TYRP1: variants seen among roughly 807,000 people sequenced by gnomAD.
The protein encoded by TYRP1 is 5,6-dihydroxyindole-2-carboxylic acid oxidase.
TYRP1 carries 49 observed loss-of-function variants against 42.8 expected under a neutral mutation model. The ratio of observed to expected loss-of-function variants is 1.14; its 90% CI spans 0.91 to 1.45. TYRP1 has a LOEUF of 1.45. Among genes scored for constraint, TYRP1 ranks in the 40% most tolerant of loss-of-function variants. The pLI is 0.00. For synonymous variants in TYRP1, 279 were observed against 235.4 expected (o/e 1.19, Z -1.69); for missense variants, 848 against 662.0 (o/e 1.28, Z -3.08).
intron 6 of TYRP1, 32 bp downstream of exon 6, chr9:12,704,737 C>T: frequency 6.2e-7 from 1 of 1,601,900 alleles, no homozygotes; most frequent in Non-Finnish European, 8.5e-7. Flanking sequence ...TTTGCATGCT[C>T]AGCTGGGCGG....
At chr9:12,708,254 A>T in intron 7 of TYRP1, 111 bp downstream of exon 7, 1 of 1,347,678 alleles carries the variant, frequency 7.4e-7, no homozygotes, top group Non-Finnish European at 1.0e-6. Context: ...TTGGACTTGG[A>T]AACTTTCATT....
chr9:12,697,065 C>G (rs1389145482), intron 3 of TYRP1, among the ~76,000 whole-genome samples: 1 of 152,158 alleles, frequency 6.6e-6, no homozygotes, highest in Non-Finnish European at 1.5e-5. Flanking sequence ...ATCTGATACT[C>G]TGAACGTCAT....
chr9:12,702,704 T>C (rs1818191781), intron 5 of TYRP1, among the ~76,000 whole-genome samples: 1 of 152,026 alleles, frequency 6.6e-6, no homozygotes, highest in African/African-American at 2.4e-5. Flanking sequence ...TAAATTCAAA[T>C]TTCTGGTAGC....
chr9:12,693,558 A>G (rs1438132458), intron 1 of TYRP1, 80 bp downstream of exon 1: 2 of 186,026 alleles, frequency 1.1e-5, no homozygotes, highest in East Asian at 2.9e-4. Context: ...AATCACAGAA[A>G]TTAACTTGCT....
At chr9:12,703,925 A>G (rs1214313034) in intron 5 of TYRP1, among the ~76,000 whole-genome samples, 3 of 147,584 alleles carry the variant, frequency 2.0e-5, no homozygotes, top group Admixed American at 6.8e-5. Flanking sequence ...ATGTGTGTGT[A>G]TATGTATATA....
At position 12,708,014 on chromosome 9, in the gene TYRP1, T is replaced by C. The variant is rs148782717; in HGVS notation, c.1279T>C (p.Leu427=). The C allele has an allele frequency of 1.4e-4, 228 of 1,612,014 alleles. No individual in the cohort carries two copies. In the East Asian group the frequency reaches 5.0e-3, roughly 36 times the overall value. ...RYNADISTFP[L]ENAPIGHNRQ... ...TAATTTAGATATATCCACATTTCCA[T>C]TGGAAAATGCCCCTATTGGACATAA... The change falls in exon 7 of 8, where the codon TTG becomes CTG. Residue 427 remains leucine, a synonymous_variant. Coordinates refer to ENST00000388918, the MANE Select transcript of TYRP1 (RefSeq NM_000550.3).
Position 12,695,428 on chromosome 9 carries a change from C to T in TYRP1, c.386-87C>T, listed in dbSNP as rs573496819. On this transcript the variant is annotated intron_variant, in intron 2 of 7. Transcript: ENST00000388918. Reference sequence around the variant, plus strand: ...CATTTGAACAGATGGATAAATGGGTCGTGGTGTGTTACAAGATGATTATGC... The same window carrying T: ...CATTTGAACAGATGGATAAATGGGTTGTGGTGTGTTACAAGATGATTATGC... 3.1e-5 allele frequency: 36 copies of T among 1,176,298 alleles called. No individual in the cohort carries two copies. In the East Asian group the frequency reaches 6.0e-4, roughly 19 times the overall value. 72.9% of individuals were successfully genotyped at this position (1,176,298 alleles called of 1,614,324 possible).
At chr9:12,695,100 C>A in intron 2 of TYRP1, among the ~76,000 whole-genome samples, 1 of 151,970 alleles carries the variant, frequency 6.6e-6, no homozygotes, top group East Asian at 1.9e-4. Context: ...AAAACTAAGA[C>A]TTGGAAAAAT....
intron 5 of TYRP1, among the ~76,000 whole-genome samples, chr9:12,703,883 A>ATATGTGTGTG (rs141978563): frequency 0.019 from 2,759 of 143,472 alleles, 48 homozygotes; most frequent in Non-Finnish European, 0.027. Flanking sequence ...ATATATATAT[A>ATATGTGTGTG]TGTGTGTGTG....
chr9:12,693,858 A>G (rs1586840321), intron 1 of TYRP1, 54 bp from the exon 2 acceptor site: 14 of 1,215,270 alleles, frequency 1.2e-5, no homozygotes, highest in Middle Eastern at 2.7e-4. Flanking sequence ...GGGGCATACC[A>G]TTTTAAGTAC....
At position 12,709,304 on chromosome 9, in the gene TYRP1, G is replaced by A. The variant is rs1818317399; in HGVS notation, c.*122G>A. ...TTCTTTCTAATACAAGCATATGTTA[G>A]CATTAAAGTTCTAGGCATACTTTTC... On this transcript the variant is annotated 3_prime_UTR_variant, in exon 8 of 8. Transcript: ENST00000388918. 2 of 1,073,574 alleles carry A rather than the reference G, an allele frequency of 1.9e-6. No individual in the cohort carries two copies. The highest frequency in any genetic ancestry group is 1.3e-5 in the South Asian group (1 of 75,864). 66.5% of individuals were successfully genotyped at this position (1,073,574 alleles called of 1,614,324 possible).
chr9:12,699,330 T>C (rs557595579), intron 4 of TYRP1, among the ~76,000 whole-genome samples: 2 of 151,706 alleles, frequency 1.3e-5, no homozygotes, highest in Non-Finnish European at 2.9e-5. Flanking sequence ...TCTGTTCTCC[T>C]CCTTGGATCA....
At chr9:12,704,255 A>G (rs1051214242) in intron 5 of TYRP1, among the ~76,000 whole-genome samples, 4 of 151,888 alleles carry the variant, frequency 2.6e-5, no homozygotes, top group African/African-American at 7.3e-5. Context: ...GAGTGTCTAT[A>G]TATTTTGACT....
In TYRP1 at chr9:12,693,963, C is replaced by T. The variant is rs549719296; in HGVS notation, c.-34C>T. On this transcript the variant is annotated 5_prime_UTR_variant, in exon 2 of 8. Transcript: ENST00000388918. Reference sequence around the variant, plus strand: ...CTTCTCTACACAAAGAGCTGCAAACCAGGTCTTTGTTTTGCACTCTTATTT... The same window carrying T: ...CTTCTCTACACAAAGAGCTGCAAACTAGGTCTTTGTTTTGCACTCTTATTT... 6.2e-7 allele frequency: 1 copy of T among 1,612,912 alleles called. No homozygotes were observed. The highest frequency in any genetic ancestry group is 2.2e-5 in the East Asian group (1 of 44,844).
At chr9:12,700,709 G>C (rs62540173) in intron 4 of TYRP1, 1 of 151,984 alleles carries the variant, frequency 6.6e-6, no homozygotes, top group South Asian at 2.1e-4. Flanking sequence ...AACTCTGTGA[G>C]GGCAAATTAG....
Position 12,707,632 on chromosome 9 carries a change from C to T in TYRP1, c.1262-365C>T, listed in dbSNP as rs1818279703. 6 of 214,116 alleles carry T rather than the reference C, an allele frequency of 2.8e-5. No individual in the cohort carries two copies. In the South Asian group the frequency reaches 3.8e-4, roughly 14 times the overall value. 13.3% of individuals were successfully genotyped at this position (214,116 alleles called of 1,614,324 possible). On this transcript the variant is annotated intron_variant, in intron 6 of 7. Transcript: ENST00000388918. ...GATAACAGGAGGCAGAGCTGTATGC[C>T]ACAGCAAATTACAGGTTTATGTTTT... is the stretch of plus-strand genomic sequence containing the variant.
At chr9:12,705,718 G>T (rs1586846327) in intron 6 of TYRP1, among the ~76,000 whole-genome samples, 1 of 151,852 alleles carries the variant, frequency 6.6e-6, no homozygotes, top group Non-Finnish European at 1.5e-5. Context: ...ATGGTCATGG[G>T]CACCTGTAAT....
chr9:12,706,972 T>G (rs902992559), intron 6 of TYRP1, among the ~76,000 whole-genome samples: 2 of 151,792 alleles, frequency 1.3e-5, no homozygotes, highest in South Asian at 4.2e-4. Flanking sequence ...AAAAGTGGAG[T>G]CATTCAAATA....
chr9:12,704,840 C>T lies in TYRP1; in HGVS notation c.1261+135C>T, dbSNP rs1019818931. On this transcript the variant is annotated intron_variant, in intron 6 of 7. Coordinates refer to ENST00000388918, the MANE Select transcript of TYRP1 (RefSeq NM_000550.3). The stretch of plus-strand genomic sequence containing the variant: ...GGATAGCATAGCTGTAATATCAAGT[C>T]ACTTCCAGACATTCAATTCTACTTT... The T allele has an allele frequency of 8.5e-6, 7 of 822,670 alleles. No individual in the cohort carries two copies. In the African/African-American group the frequency reaches 1.2e-4, roughly 14 times the overall value. The allele number at this position is 822,670 out of a possible 1,614,324, so 51.0% of individuals were successfully genotyped here.
Sources: allele counts gnomAD v4.1 joint callset (sites outside exome capture counted in the v4.1 genomes callset), GRCh38; gene constraint gnomAD v4.1.1; transcripts MANE v1.5; gene names NCBI Gene and HGNC (gene_info 2026-07-23, HGNC 2026-07-21).